The following CCBE1 variants were observed in gnomAD, a reference collection of about 807,000 sequenced individuals.
CCBE1 encodes collagen and calcium binding EGF domains 1.
In CCBE1, 37 loss-of-function variants were observed where a neutral mutation model predicts 50.0. The ratio of observed to expected loss-of-function variants is 0.74; its 90% CI spans 0.57 to 0.97. CCBE1 has a LOEUF of 0.97. Among genes scored for constraint, CCBE1 ranks in the 50% least tolerant of loss-of-function variants. The pLI, the probability that CCBE1 is intolerant of heterozygous loss-of-function variation, is 0.00. For missense variants in CCBE1, 538 were observed against 523.8 expected (o/e 1.03, Z -0.26); for synonymous variants, 234 against 203.7 (o/e 1.15, Z -1.27).
At chr18:59,556,347 G>A (rs1213731834) in intron 2 of CCBE1, among the ~76,000 whole-genome samples, 1 of 152,198 alleles carries the variant, frequency 6.6e-6, no homozygotes, top group Admixed American at 6.5e-5. Context: ...TGGAGGCCAT[G>A]ATTGAGTACA....
chr18:59,535,617 C>A (rs1324059295), intron 2 of CCBE1, among the ~76,000 whole-genome samples: 2 of 152,050 alleles, frequency 1.3e-5, no homozygotes, highest in Admixed American at 6.5e-5. Context: ...CTCTTAATAG[C>A]TGAAAAATTT....
chr18:59,518,867 C>T (rs1914482295), intron 2 of CCBE1, among the ~76,000 whole-genome samples: 1 of 152,202 alleles, frequency 6.6e-6, no homozygotes, highest in Non-Finnish European at 1.5e-5. Context: ...ACTAATACCT[C>T]CCTGGGAACA....
At chr18:59,455,421 G>A (rs529706406) in intron 5 of CCBE1, among the ~76,000 whole-genome samples, 15 of 152,232 alleles carry the variant, frequency 9.9e-5, no homozygotes, top group African/African-American at 3.1e-4. Context: ...GCAGTGGGCC[G>A]GGAGCTGACC....
chr18:59,504,584 A>G (rs998849044), intron 2 of CCBE1, among the ~76,000 whole-genome samples: 2 of 152,176 alleles, frequency 1.3e-5, no homozygotes, highest in Non-Finnish European at 2.9e-5. Context: ...TGAGAAATAA[A>G]GATGGGGGCA....
rs8085019 is a variant in CCBE1, at chr18:59,547,197, G to A, written c.213-66959C>T. Among the ~76,000 whole-genome samples, 218 of 152,152 alleles carry A rather than the reference G, an allele frequency of 1.4e-3. 1 individual carries two copies. The highest frequency in any genetic ancestry group is 0.013 in the South Asian group (63 of 4,814). Reference sequence around the variant, plus strand: ...GAGAGAGGCACAATGGCTCACGCCTGTAATCCCAGCACTTTGGGAGGCTAA... The same window carrying A: ...GAGAGAGGCACAATGGCTCACGCCTATAATCCCAGCACTTTGGGAGGCTAA... On this transcript the variant is annotated intron_variant, in intron 2 of 10. Coordinates refer to ENST00000439986, the MANE Select transcript of CCBE1 (RefSeq NM_133459.4).
intron 2 of CCBE1, among the ~76,000 whole-genome samples, chr18:59,683,258 C>T (rs2054616243): frequency 6.6e-6 from 1 of 152,214 alleles, no homozygotes; most frequent in African/African-American, 2.4e-5. Context: ...CAGACATCAC[C>T]TCAATGACAC....
intron 2 of CCBE1, among the ~76,000 whole-genome samples, chr18:59,631,925 T>A (rs1002096526): frequency 2.0e-5 from 3 of 152,200 alleles, no homozygotes; most frequent in African/African-American, 7.2e-5. Context: ...AAGTCAACCA[T>A]TCATTTAGTA....
chr18:59,647,367 AATAC>A (rs1233865843), intron 2 of CCBE1, among the ~76,000 whole-genome samples: 8 of 152,236 alleles, frequency 5.3e-5, no homozygotes, highest in South Asian at 2.1e-4. Context: ...AAAAATAAGA[AATAC>A]ATAAATAGAA....
intron 2 of CCBE1, among the ~76,000 whole-genome samples, chr18:59,590,477 A>G (rs1312338687): frequency 1.3e-5 from 2 of 152,208 alleles, no homozygotes; most frequent in African/African-American, 4.8e-5. Context: ...TACAAACTCC[A>G]AAAATATCAA....
At chr18:59,573,344 A>G (rs940830497) in intron 2 of CCBE1, among the ~76,000 whole-genome samples, 3 of 141,058 alleles carry the variant, frequency 2.1e-5, no homozygotes, top group African/African-American at 7.8e-5. Context: ...TGAAGACCTT[A>G]AGAGCAAACA....
intron 2 of CCBE1, among the ~76,000 whole-genome samples, chr18:59,645,768 A>G (rs573693442): frequency 6.6e-6 from 1 of 152,348 alleles, no homozygotes; most frequent in Admixed American, 6.5e-5. Flanking sequence ...GCGGTGGCTC[A>G]CGCCTATAAT....
At chr18:59,653,229 G>A (rs571344214) in intron 2 of CCBE1, among the ~76,000 whole-genome samples, 2 of 152,294 alleles carry the variant, frequency 1.3e-5, no homozygotes, top group South Asian at 4.1e-4. Flanking sequence ...CAGAGAGCTG[G>A]CAAATATTCC....
intron 2 of CCBE1, among the ~76,000 whole-genome samples, chr18:59,481,049 G>C (rs1568163202): frequency 6.6e-6 from 1 of 152,126 alleles, no homozygotes; most frequent in Non-Finnish European, 1.5e-5. Flanking sequence ...GGAATTATCA[G>C]ACTTTAAAGT....
chr18:59,602,341 T>C (rs1482987643), intron 2 of CCBE1, among the ~76,000 whole-genome samples: 1 of 152,120 alleles, frequency 6.6e-6, no homozygotes, highest in Admixed American at 6.5e-5. Context: ...CATGAAGTTA[T>C]ACACACTATT....
chr18:59,595,620 T>C (rs978119673), intron 2 of CCBE1, among the ~76,000 whole-genome samples: 1 of 152,228 alleles, frequency 6.6e-6, no homozygotes, highest in Non-Finnish European at 1.5e-5. Context: ...TGCCTTAAAT[T>C]CCTACAATGA....
intron 2 of CCBE1, among the ~76,000 whole-genome samples, chr18:59,661,522 C>T (rs974238884): frequency 6.6e-6 from 1 of 151,540 alleles, no homozygotes; most frequent in African/African-American, 2.4e-5. Flanking sequence ...TAGTTTTATT[C>T]TAGAAGGTAA....
intron 2 of CCBE1, among the ~76,000 whole-genome samples, chr18:59,646,107 A>C (rs2054052328): frequency 6.6e-6 from 1 of 152,138 alleles, no homozygotes; most frequent in Non-Finnish European, 1.5e-5. Context: ...GGAGAAGGCT[A>C]ATGGGGTCTA....
intron 2 of CCBE1, among the ~76,000 whole-genome samples, chr18:59,552,482 G>A (rs750598093): frequency 6.6e-6 from 1 of 152,160 alleles, no homozygotes; most frequent in Non-Finnish European, 1.5e-5. Context: ...CCTCCCACTA[G>A]CCTACATCTA....
At chr18:59,523,709 A>G (rs1003164004) in intron 2 of CCBE1, among the ~76,000 whole-genome samples, 4 of 152,184 alleles carry the variant, frequency 2.6e-5, no homozygotes, top group African/African-American at 9.7e-5. Context: ...GGATAATGTT[A>G]AACGCTTGGA....
Sources: gnomAD v4.1 joint callset for allele counts (sites outside exome capture counted in the v4.1 genomes callset) on GRCh38, gnomAD v4.1.1 for gene constraint, MANE v1.5 for transcripts, NCBI Gene and HGNC (gene_info 2026-07-23, HGNC 2026-07-21) for gene names.